Variants in ERICH1 observed in about 807,000 individuals in gnomAD.
ERICH1 encodes the protein glutamate-rich protein 1.
In ERICH1, 56 loss-of-function variants were observed where a neutral mutation model predicts 39.6. That is an observed-to-expected ratio of 1.41 (90% CI 1.14 to 1.77). The LOEUF is 1.77. Among genes scored for constraint, ERICH1 ranks in the 40% most tolerant of loss-of-function variants. The probability of loss-of-function intolerance (pLI) is 0.00; values close to 1 mark genes in which losing one functional copy is unlikely to be tolerated. For missense variants in ERICH1, 826 were observed against 575.4 expected (o/e 1.44, Z -4.45); for synonymous variants, 313 against 223.6 (o/e 1.40, Z -3.57).
chr8:706,854 T>C (rs1274121049), intron 2 of ERICH1, among the ~76,000 whole-genome samples: 3 of 152,136 alleles, frequency 2.0e-5, no homozygotes, highest in Non-Finnish European at 4.4e-5. Context: ...AGAACTTAAA[T>C]AAACAAAAAG....
At chr8:712,941 T>A (rs1585596134) in intron 2 of ERICH1, among the ~76,000 whole-genome samples, 1 of 152,256 alleles carries the variant, frequency 6.6e-6, no homozygotes, top group African/African-American at 2.4e-5. Context: ...ATTAGCTTTC[T>A]AGGGCTGCCA....
intron 3 of ERICH1, among the ~76,000 whole-genome samples, chr8:654,069 G>A (rs1332881314): frequency 1.3e-5 from 2 of 152,098 alleles, no homozygotes; most frequent in Admixed American, 6.5e-5. Flanking sequence ...CTGTCTGATG[G>A]GGACAGAGTT....
rs150189391 is a variant in ERICH1 at position 698,679 on chromosome 8, G to A, written c.170-6067C>T. Reference sequence around the variant, plus strand: ...TGCACAGGTTAGAATGCAATGATGCGATCATGGCTCACTGTCTAGAGCTCC... The same window carrying A: ...TGCACAGGTTAGAATGCAATGATGCAATCATGGCTCACTGTCTAGAGCTCC... On this transcript the variant is annotated intron_variant, in intron 2 of 5. Transcript: ENST00000262109. Among the ~76,000 whole-genome samples, 24 of 152,020 alleles carry A rather than the reference G, an allele frequency of 1.6e-4. No homozygotes were observed. The East Asian group carries it at 2.7e-3, about 17-fold the overall frequency.
At chr8:634,160 C>G (rs566541772) in intron 3 of ERICH1, among the ~76,000 whole-genome samples, 1 of 63,610 alleles carries the variant, frequency 1.6e-5, no homozygotes, top group East Asian at 4.8e-4. Flanking sequence ...TAGAGAACTC[C>G]TAAAACTCAA....
At chr8:654,700 T>C (rs1474554765) in intron 3 of ERICH1, among the ~76,000 whole-genome samples, 1 of 152,110 alleles carries the variant, frequency 6.6e-6, no homozygotes, top group Non-Finnish European at 1.5e-5. Context: ...GCCACCACAG[T>C]GACATCCCCC....
intron 3 of ERICH1, among the ~76,000 whole-genome samples, chr8:676,719 G>C (rs928765920): frequency 2.0e-5 from 3 of 152,212 alleles, no homozygotes; most frequent in African/African-American, 7.2e-5. Context: ...ACGGGCGTCT[G>C]TGCCACGGCC....
chr8:638,217 C>T (rs141179775), intron 3 of ERICH1, among the ~76,000 whole-genome samples: 128 of 152,338 alleles, frequency 8.4e-4, no homozygotes, highest in Middle Eastern at 3.4e-3. Flanking sequence ...TTATCTTTTA[C>T]TTACATCTGT....
In ERICH1 at chr8:698,728, T is replaced by C. The variant is rs138689520; in HGVS notation, c.170-6116A>G. Among the ~76,000 whole-genome samples, 1,502 of 152,252 alleles carry C rather than the reference T, an allele frequency of 9.9e-3. 12 individuals are homozygous for C. Among genetic ancestry groups the C allele is most frequent in the Non-Finnish European group, 0.016 (1,091 of 68,000 alleles). On this transcript the variant is annotated intron_variant, in intron 2 of 5. Transcript: ENST00000262109. ...CCTGGGCTCAAGCAATCCTCCCTCC[T>C]TGGCCTCCTAAAGTGCTAGGATTAC...
At chr8:624,961 C>T (rs1473785561) in intron 3 of ERICH1, among the ~76,000 whole-genome samples, 2 of 152,060 alleles carry the variant, frequency 1.3e-5, no homozygotes, top group Admixed American at 6.5e-5. Flanking sequence ...CTCCTGACCT[C>T]GTGATCCGCT....
chr8:637,380 CAT>C (rs1798523244), intron 3 of ERICH1, among the ~76,000 whole-genome samples: 1 of 152,236 alleles, frequency 6.6e-6, no homozygotes, highest in African/African-American at 2.4e-5. Flanking sequence ...CCTCTAGCCC[CAT>C]GTGTCTCCTC....
intron 2 of ERICH1, among the ~76,000 whole-genome samples, chr8:700,392 C>T (rs1288127435): frequency 1.0e-5 from 1 of 99,016 alleles, no homozygotes; most frequent in Non-Finnish European, 2.2e-5. Context: ...CCCGCACACG[C>T]GCACAGGCCC....
intron 3 of ERICH1, among the ~76,000 whole-genome samples, chr8:674,942 C>T (rs1179740790): frequency 6.6e-6 from 1 of 152,194 alleles, no homozygotes; most frequent in African/African-American, 2.4e-5. Flanking sequence ...AATATTTCCC[C>T]CGTGGCCGAT....
chr8:730,815 C>G (rs79568923), intron 1 of ERICH1, among the ~76,000 whole-genome samples: 2,398 of 152,334 alleles, frequency 0.016, 26 homozygotes, highest in Middle Eastern at 0.037. Context: ...AGCTGAGCGG[C>G]TCCTACTCAC....
chr8:699,838 G>GGCGCACAGGCCCGCACAC (rs1811380595), intron 2 of ERICH1, among the ~76,000 whole-genome samples: 1 of 58,384 alleles, frequency 1.7e-5, no homozygotes. Context: ...GACCCGCACA[G>GGCGCACAGGCCCGCACAC]GCGCACAGAC....
chr8:634,756 G>C (rs562556571), intron 3 of ERICH1, among the ~76,000 whole-genome samples: 73 of 152,314 alleles, frequency 4.8e-4, no homozygotes, highest in Admixed American at 1.8e-3. Context: ...GGATGACCTT[G>C]GCGACCGGAA....
chr8:726,548 C>G (rs1169122492), intron 1 of ERICH1, among the ~76,000 whole-genome samples: 1 of 151,918 alleles, frequency 6.6e-6, no homozygotes, highest in African/African-American at 2.4e-5. Context: ...ACACCACACA[C>G]AGACACGTGT....
intron 2 of ERICH1, among the ~76,000 whole-genome samples, chr8:712,954 A>G (rs1180036471): frequency 6.6e-6 from 1 of 152,246 alleles, no homozygotes; most frequent in Non-Finnish European, 1.5e-5. Flanking sequence ...GGCTGCCACT[A>G]CAAAGCCCCA....
Position 664,660 on chromosome 8 carries a change from G to A in ERICH1, c.1275C>T (p.Ile425=), listed in dbSNP as rs113707327. ...TGATCCAGTAACTAAAGAAAGCTGA[G>A]ATTACTCTGGCATGGTCTAGAAAGC... ...CTMPPDHARV[I]SAFFSYWITH... Residue 425 remains isoleucine, a synonymous_variant, in exon 6 of 6, where the codon ATC becomes ATT. Transcript: ENST00000262109. 2 of 1,612,128 alleles carry A rather than the reference G, an allele frequency of 1.2e-6. No homozygotes were observed. The highest frequency in any genetic ancestry group is 1.7e-6 in the Non-Finnish European group (2 of 1,179,408).
At chr8:716,140 C>T (rs1815937885) in intron 1 of ERICH1, 133 bp from the exon 2 acceptor site, 1 of 1,128,696 alleles carries the variant, frequency 8.9e-7, no homozygotes, top group Non-Finnish European at 1.2e-6. Context: ...AGTCCCTGGT[C>T]CTCCCACGCT....
Sources: allele counts gnomAD v4.1 joint callset (sites outside exome capture counted in the v4.1 genomes callset), GRCh38; gene constraint gnomAD v4.1.1; transcripts MANE v1.5; gene names NCBI Gene and HGNC (gene_info 2026-07-23, HGNC 2026-07-21).